Variants in AGAP1 observed in about 807,000 individuals in gnomAD.
AGAP1 encodes the protein arf-GAP with GTPase, ANK repeat and PH domain-containing protein 1.
Under a neutral mutation model 105.3 loss-of-function variants are expected in AGAP1, and 29 were observed. That is an observed-to-expected ratio of 0.28 (90% CI 0.21 to 0.38). The LOEUF (loss-of-function observed/expected upper bound fraction) is 0.38, where lower values mean the gene tolerates loss of function less well. AGAP1 is among the 10% of genes least tolerant of loss of function. The pLI is 1.00. For missense variants in AGAP1, 998 were observed against 1,165.1 expected (o/e 0.86, Z 2.09); for synonymous variants, 509 against 485.9 (o/e 1.05, Z -0.63).
Position 235,799,805 on chromosome 2 carries a change from A to T in AGAP1, c.957+283A>T, listed in dbSNP as rs1957405420. 6.6e-6 allele frequency among the ~76,000 whole-genome samples: 1 copy of T among 152,156 alleles called. No homozygotes were observed. The highest frequency in any genetic ancestry group is 2.4e-5 in the African/African-American group (1 of 41,420). On this transcript the variant is annotated intron_variant, in intron 8 of 17. Coordinates refer to ENST00000304032, the MANE Select transcript of AGAP1 (RefSeq NM_001037131.3). This position sits in a 1 kb window ranked among gnomAD's most constrained non-coding sequence, Gnocchi z 5.0. ...TGTTATCCTGTGGCTCCAGCTAAAGATGTGTCACAGTGGATACAAGGAGAT... is the reference window on the plus strand; with the variant it reads ...TGTTATCCTGTGGCTCCAGCTAAAGTTGTGTCACAGTGGATACAAGGAGAT...
At position 235,686,594 on chromosome 2, in the gene AGAP1, T is replaced by C. The variant is rs540073239; in HGVS notation, c.164-22585T>C. Among the ~76,000 whole-genome samples the C allele has an allele frequency of 8.8e-5, 11 of 125,118 alleles. No individual in the cohort carries two copies. In the South Asian group the frequency reaches 2.7e-3, roughly 31 times the overall value. The allele number at this position is 125,118 out of a possible 152,430, so 82.1% of individuals were successfully genotyped here. ...ACACACACACACACACACACGTGTGTGTGTATATATATACGTGGAGATATA... is the reference window on the plus strand; with the variant it reads ...ACACACACACACACACACACGTGTGCGTGTATATATATACGTGGAGATATA... On this transcript the variant is annotated intron_variant, in intron 1 of 17. Coordinates refer to ENST00000304032, the MANE Select transcript of AGAP1 (RefSeq NM_001037131.3).
chr2:236,093,264 G>A (rs1381211231), intron 16 of AGAP1, among the ~76,000 whole-genome samples: 1 of 152,194 alleles, frequency 6.6e-6, no homozygotes, highest in Non-Finnish European at 1.5e-5. Context: ...CTGCACCCCT[G>A]GGAGGGGAGG....
intron 16 of AGAP1, among the ~76,000 whole-genome samples, chr2:236,091,781 A>G (rs2059066825): frequency 1.3e-5 from 2 of 152,182 alleles, no homozygotes; most frequent in Admixed American, 6.5e-5. Context: ...AAATAAGTAA[A>G]TAATAAAACT....
intron 3 of AGAP1, among the ~76,000 whole-genome samples, chr2:235,727,398 C>T (rs369858168): frequency 6.6e-6 from 1 of 152,226 alleles, no homozygotes. Context: ...GATCACGTTA[C>T]ACCCAGCTTG....
rs576158339 is a variant in AGAP1, at chr2:235,908,636, A to G, written c.1156-102A>G. 2 of 1,096,742 alleles carry G rather than the reference A, an allele frequency of 1.8e-6. No individual in the cohort carries two copies. The highest frequency in any genetic ancestry group is 1.7e-5 in the South Asian group (1 of 59,620). The allele number at this position is 1,096,742 out of a possible 1,614,324, so 67.9% of individuals were successfully genotyped here. A position where few individuals can be genotyped will look rare whatever the true frequency, so the allele number is the denominator to read the frequency against. On this transcript the variant is annotated intron_variant, in intron 10 of 17. Transcript: ENST00000304032. The surrounding 1 kb of genome is among the most constrained non-coding windows in gnomAD (Gnocchi z 4.4). ...AAGTACTTTCCACAGTGGAAGGGTC[A>G]TAGGGTTTTAACTCATGACGTCTGA...
In AGAP1 at chr2:235,664,451, C is replaced by G. The variant is rs1311406890; in HGVS notation, c.164-44728C>G. ...CAGGCTGGTCTCAAACTCCTGATCTCAGGTGATCCACCTGCCTTGGCCTCC... is the reference window on the plus strand; with the variant it reads ...CAGGCTGGTCTCAAACTCCTGATCTGAGGTGATCCACCTGCCTTGGCCTCC... On this transcript the variant is annotated intron_variant, in intron 1 of 17. Transcript: ENST00000304032. The surrounding 1 kb of genome is among the most constrained non-coding windows in gnomAD (Gnocchi z 5.7). Among the ~76,000 whole-genome samples, 1 of 152,146 alleles carries G rather than the reference C, an allele frequency of 6.6e-6. No homozygotes were observed. The highest frequency in any genetic ancestry group is 1.5e-5 in the Non-Finnish European group (1 of 68,024).
chr2:235,770,455 TCTCA>T (rs1955351952), intron 6 of AGAP1, among the ~76,000 whole-genome samples: 1 of 151,870 alleles, frequency 6.6e-6, no homozygotes, highest in Non-Finnish European at 1.5e-5. Context: ...TGAGACAGAG[TCTCA>T]CTCTGTCACC....
chr2:235,612,896 A>G lies in AGAP1; in HGVS notation c.164-96283A>G, dbSNP rs1339480727. 6.6e-6 allele frequency among the ~76,000 whole-genome samples: 1 copy of G among 152,002 alleles called. No individual in the cohort carries two copies. The highest frequency in any genetic ancestry group is 1.5e-5 in the Non-Finnish European group (1 of 68,018). On this transcript the variant is annotated intron_variant, in intron 1 of 17. Coordinates refer to ENST00000304032, the MANE Select transcript of AGAP1 (RefSeq NM_001037131.3). The surrounding 1 kb of genome is among the most constrained non-coding windows in gnomAD (Gnocchi z 4.3). ...GCCCAGGTTATGTTTGTGGCCTTTT[A>G]TCTCTCCAATGTGAGGCATCTCTGA...
intron 12 of AGAP1, among the ~76,000 whole-genome samples, chr2:235,952,986 C>T (rs886730490): frequency 2.0e-5 from 3 of 152,168 alleles, no homozygotes; most frequent in African/African-American, 7.2e-5. Context: ...CCAGGTGTGG[C>T]GGAAGGACCC....
rs115595242 is a variant in AGAP1 at position 235,843,083 on chromosome 2, C to T, written c.1050+35752C>T. Among the ~76,000 whole-genome samples, 378 of 152,312 alleles carry T rather than the reference C, an allele frequency of 2.5e-3. 1 individual carries two copies. Among genetic ancestry groups the T allele is most frequent in the African/African-American group, 8.8e-3 (367 of 41,564 alleles). ...GGGTCTTCATAATGAAACAGAAGTG[C>T]TCATTGTCCTGTTGCCACCCTTGTC... On this transcript the variant is annotated intron_variant, in intron 9 of 17. Transcript: ENST00000304032. The surrounding 1 kb of genome is among the most constrained non-coding windows in gnomAD (Gnocchi z 5.9).
At chr2:235,794,368 C>G (rs1389965663) in intron 6 of AGAP1, among the ~76,000 whole-genome samples, 1 of 152,186 alleles carries the variant, frequency 6.6e-6, no homozygotes, top group East Asian at 1.9e-4. Flanking sequence ...CCGTTGACAC[C>G]GTTTTAGATT....
At chr2:235,703,850 T>C (rs999814547) in intron 1 of AGAP1, among the ~76,000 whole-genome samples, 1 of 152,114 alleles carries the variant, frequency 6.6e-6, no homozygotes, top group Non-Finnish European at 1.5e-5. Context: ...ACCTGCAGGC[T>C]AATCTCAAAC....
chr2:235,531,594 T>C lies in AGAP1; in HGVS notation c.163+36745T>C, dbSNP rs1943047090. ...AAGGGAATTGGGACACCTTTGGTTC[T>C]CTGGTAGCTTTGCCTTTTTTTTTTT... On this transcript the variant is annotated intron_variant, in intron 1 of 17. Transcript: ENST00000304032. Among the ~76,000 whole-genome samples, 3 of 151,220 alleles carry C rather than the reference T, an allele frequency of 2.0e-5. No homozygotes were observed. In the South Asian group the frequency reaches 6.3e-4, roughly 32 times the overall value.
At chr2:235,646,859 C>T (rs10174083) in intron 1 of AGAP1, among the ~76,000 whole-genome samples, 108,793 of 152,052 alleles carry the variant, frequency 0.72, 39,009 homozygotes, top group East Asian at 0.8. Context: ...AGTCTTGCCG[C>T]GTGCGGTGGC....
rs1001347046 is a variant in AGAP1, at chr2:235,777,397, A to C, written c.674-20362A>C. ...TCCTGAGCTGCTCCGAGCTGGAGAC[A>C]GAACCAGCAGACATGGGACAGAAGA... On this transcript the variant is annotated intron_variant, in intron 6 of 17. Coordinates refer to ENST00000304032, the MANE Select transcript of AGAP1 (RefSeq NM_001037131.3). The surrounding 1 kb of genome is among the most constrained non-coding windows in gnomAD (Gnocchi z 5.1). 2.6e-5 allele frequency among the ~76,000 whole-genome samples: 4 copies of C among 152,220 alleles called. No individual in the cohort carries two copies. Among genetic ancestry groups the C allele is most frequent in the African/African-American group, 9.6e-5 (4 of 41,466 alleles).
intron 1 of AGAP1, among the ~76,000 whole-genome samples, chr2:235,651,939 G>A (rs1049573231): frequency 1.3e-5 from 2 of 152,192 alleles, no homozygotes; most frequent in African/African-American, 4.8e-5. Context: ...AGAAGGAGAA[G>A]GAGCCCTGTT....
chr2:235,825,886 G>A (rs942384862), intron 9 of AGAP1, among the ~76,000 whole-genome samples: 2 of 152,116 alleles, frequency 1.3e-5, no homozygotes, highest in African/African-American at 4.8e-5. Context: ...GTAACCCAAT[G>A]GATAAATGAG....
intron 9 of AGAP1, chr2:235,853,054 C>T (rs2048544024): frequency 4.0e-6 from 5 of 1,238,240 alleles, no homozygotes; most frequent in Non-Finnish European, 5.1e-6. Context: ...CTATAGCGGG[C>T]AATTCAGTCC....
chr2:235,869,478 G>A lies in AGAP1; in HGVS notation c.1051-13867G>A, dbSNP rs529054124. On this transcript the variant is annotated intron_variant, in intron 9 of 17. Coordinates refer to ENST00000304032, the MANE Select transcript of AGAP1 (RefSeq NM_001037131.3). ...TAGCCGGGCGTGACGGCAGGTGCCT[G>A]TAATCCCAGCTACTCAGGAGGCTGA... Among the ~76,000 whole-genome samples the A allele has an allele frequency of 2.2e-4, 32 of 147,012 alleles. No homozygotes were observed. In the East Asian group the frequency reaches 4.7e-3, roughly 22 times the overall value.
Sources: gnomAD v4.1 joint callset for allele counts (sites outside exome capture counted in the v4.1 genomes callset) on GRCh38, gnomAD v4.1.1 for gene constraint, Gnocchi (gnomAD v3.1) non-coding constraint, MANE v1.5 for transcripts, NCBI Gene and HGNC (gene_info 2026-07-23, HGNC 2026-07-21) for gene names.